Variants in ITGAL observed in about 807,000 individuals in gnomAD.
ITGAL encodes the protein integrin alpha-L.
ITGAL carries 68 observed loss-of-function variants against 138.4 expected under a neutral mutation model. The ratio of observed to expected loss-of-function variants is 0.49; its 90% CI spans 0.40 to 0.60. The LOEUF (loss-of-function observed/expected upper bound fraction) is 0.60, where lower values mean the gene tolerates loss of function less well. ITGAL is among the 20% of genes least tolerant of loss of function. The pLI is 0.00. For synonymous variants in ITGAL, 561 were observed against 584.3 expected (o/e 0.96, Z 0.57); for missense variants, 1,256 against 1,478.6 (o/e 0.85, Z 2.47).
Position 30,472,760 on chromosome 16 carries a change from C to A in ITGAL, c.-78C>A. The A allele has an allele frequency of 7.6e-7, 1 of 1,311,222 alleles. No homozygotes were observed. Among genetic ancestry groups the A allele is most frequent in the Non-Finnish European group, 1.1e-6 (1 of 916,722 alleles). 81.2% of individuals were successfully genotyped at this position (1,311,222 alleles called of 1,614,324 possible). On this transcript the variant is annotated 5_prime_UTR_variant, in exon 1 of 31. Coordinates refer to ENST00000356798, the MANE Select transcript of ITGAL (RefSeq NM_002209.3). ...GGGCATGATCATTTTCCTCTTTCAC[C>A]CTGTCTAGGTTGCCAGCAAATCCCA...
chr16:30,519,857 G>C lies in ITGAL; in HGVS notation c.3229G>C (p.Val1077Leu), dbSNP rs200147185. 92 of 1,609,914 alleles carry C rather than the reference G, an allele frequency of 5.7e-5. No homozygotes were observed. In the South Asian group the frequency reaches 9.5e-4, roughly 17 times the overall value. ...LYGSNASLAQ[V>L]VMKVDVVYEK... ...GGCACTCCCCTCCCCCTGCTCCCAGGTTGTCATGAAGGTTGACGTGGTGTA... is the reference window on the plus strand; with the variant it reads ...GGCACTCCCCTCCCCCTGCTCCCAGCTTGTCATGAAGGTTGACGTGGTGTA... The change falls in exon 30 of 31, where the codon GTT becomes CTT. Residue 1077 changes from valine (V) to leucine (L), a missense_variant and splice_region_variant. This residue lies in a region of ITGAL where 867 missense variants were observed against 972.5 expected (regional missense o/e 0.89). Transcript: ENST00000356798.
At chr16:30,477,973 G>A (rs150945787) in intron 4 of ITGAL, among the ~76,000 whole-genome samples, 385 of 150,774 alleles carry the variant, frequency 2.6e-3, no homozygotes, top group Non-Finnish European at 3.8e-3. Flanking sequence ...AAGGGGAGAG[G>A]AGGAGAGAGA....
intron 20 of ITGAL, 29 bp downstream of exon 20, chr16:30,505,491 C>G (rs1451198546): frequency 1.3e-6 from 2 of 1,560,330 alleles, no homozygotes; most frequent in Non-Finnish European, 1.8e-6. Context: ...CCTCCAGCCT[C>G]CCATCCACTC....
intron 25 of ITGAL, among the ~76,000 whole-genome samples, chr16:30,515,835 G>T (rs1597107863): frequency 6.6e-6 from 1 of 152,130 alleles, no homozygotes; most frequent in Non-Finnish European, 1.5e-5. Flanking sequence ...AGCTAGGTGT[G>T]GTGGTGTGTG....
intron 6 of ITGAL, chr16:30,481,203 G>A (rs1011789606): frequency 1.8e-5 from 8 of 433,974 alleles, no homozygotes; most frequent in Middle Eastern, 7.3e-4. Context: ...ACAAATATTC[G>A]GGTGTGGTGG....
Position 30,500,531 on chromosome 16 carries a change from T to C in ITGAL, c.2145+1042T>C, listed in dbSNP as rs182290636. Among the ~76,000 whole-genome samples, 1,337 of 152,076 alleles carry C rather than the reference T, an allele frequency of 8.8e-3. 20 individuals are homozygous for C. The highest frequency in any genetic ancestry group is 0.03 in the African/African-American group (1,264 of 41,500). On this transcript the variant is annotated intron_variant, in intron 17 of 30. Transcript: ENST00000356798. ...ACTGTGCCTGGCTGCTTCTAGGTTT[T>C]TAATTTTTTTAATTTTTTATTAAAA...
chr16:30,499,699 G>GTATATATATATATGTATATATATA (rs1567478313), intron 17 of ITGAL: 1 of 99,736 alleles, frequency 1.0e-5, no homozygotes, highest in African/African-American at 4.0e-5. Flanking sequence ...ATATATATGT[G>GTATATATATATATGTATATATATA]TATATATATA....
Position 30,496,175 on chromosome 16 carries a change from C to G in ITGAL, c.1582C>G (p.Leu528Val), listed in dbSNP as rs1176830183. The change falls in exon 14 of 31, where the codon CTG becomes GTG. Residue 528 changes from leucine to valine, a missense_variant. Physicochemically the swap from Leu to Val is conservative, Grantham distance 32. This residue lies in a region of ITGAL where 867 missense variants were observed against 972.5 expected (regional missense o/e 0.89). Transcript: ENST00000356798. ...LGRFGEAITA[L>V]TDINGDGLVD... is the part of the protein sequence containing the mutation. ...GCGGTTTGGAGAAGCCATCACTGCT[C>G]TGACAGACATCAACGGCGATGGGCT... 1 of 1,614,106 alleles carries G rather than the reference C, an allele frequency of 6.2e-7. No homozygotes were observed. Among genetic ancestry groups the G allele is most frequent in the Non-Finnish European group, 8.5e-7 (1 of 1,180,016 alleles).
chr16:30,499,299 C>A, intron 16 of ITGAL, 39 bp from the exon 17 acceptor site: 1 of 1,613,096 alleles, frequency 6.2e-7, no homozygotes, highest in Non-Finnish European at 8.5e-7. Context: ...GGCCTGGGAT[C>A]CCCCACCATT....
chr16:30,478,980 A>G lies in ITGAL; in HGVS notation c.328-111A>G. 5 of 787,856 alleles carry G rather than the reference A, an allele frequency of 6.3e-6. No individual in the cohort carries two copies. The South Asian group carries it at 7.8e-5, about 12-fold the overall frequency. 48.8% of individuals were successfully genotyped at this position (787,856 alleles called of 1,614,324 possible). On this transcript the variant is annotated intron_variant, in intron 4 of 30. Transcript: ENST00000356798. ...CTTGCCTTGGTAACCAGTTGGATAG[A>G]GGAAGTGAGAAAGAGGACAAGGACT...
At chr16:30,507,649 CAA>C (rs543416123) in intron 21 of ITGAL, among the ~76,000 whole-genome samples, 9 of 139,716 alleles carry the variant, frequency 6.4e-5, no homozygotes, top group African/African-American at 2.1e-4. Flanking sequence ...GACTCCATCT[CAA>C]AAAAAAAAAA....
chr16:30,486,389 G>C (rs2050646744), intron 9 of ITGAL, among the ~76,000 whole-genome samples: 1 of 132,826 alleles, frequency 7.5e-6, no homozygotes, highest in Non-Finnish European at 1.6e-5. Context: ...CAGCCTGGGT[G>C]ACAAGAGCAA....
At chr16:30,488,795 T>G in intron 9 of ITGAL, 1 of 418,808 alleles carries the variant, frequency 2.4e-6, no homozygotes, top group Non-Finnish European at 4.5e-6. Context: ...GAGGGTTGCT[T>G]GAGCTTGGGT....
chr16:30,481,183 C>CACACACCA (rs1555505200), intron 6 of ITGAL: 1 of 355,422 alleles, frequency 2.8e-6, no homozygotes, highest in African/African-American at 2.6e-5. Context: ...CACACACACA[C>CACACACCA]CACACACACA....
At chr16:30,480,498 G>A (rs2050537801) in intron 6 of ITGAL, 1 of 152,118 alleles carries the variant, frequency 6.6e-6, no homozygotes, top group South Asian at 2.1e-4. Flanking sequence ...ATCTAGTTAA[G>A]CAGCGTCACT....
rs751180213 is a variant in ITGAL, at chr16:30,474,251, G to A, written c.117G>A (p.Pro39=). Residue 39 remains proline, a synonymous_variant, in exon 2 of 31, where the codon CCG becomes CCA. Transcript: ENST00000356798. ...GGGGCGCGCGGAGCTTCTCCCCACCGCGCGCCGGGAGGCACTTTGGATACC... is the reference window on the plus strand; with the variant it reads ...GGGGCGCGCGGAGCTTCTCCCCACCACGCGCCGGGAGGCACTTTGGATACC... The part of the protein sequence containing the change: ...DVRGARSFSP[P]RAGRHFGYRV... The A allele has an allele frequency of 6.2e-7, 1 of 1,608,900 alleles. No individual in the cohort carries two copies. Among genetic ancestry groups the A allele is most frequent in the Admixed American group, 1.7e-5 (1 of 59,288 alleles).
chr16:30,474,249 C>A lies in ITGAL; in HGVS notation c.115C>A (p.Pro39Thr). ...DVRGARSFSP[P>T]RAGRHFGYRV... is the part of the protein sequence containing the mutation. ...GCGGGGCGCGCGGAGCTTCTCCCCA[C>A]CGCGCGCCGGGAGGCACTTTGGATA... The change falls in exon 2 of 31, where the codon CCG becomes ACG. Residue 39 changes from proline to threonine, a missense_variant. Coordinates refer to ENST00000356798, the MANE Select transcript of ITGAL (RefSeq NM_002209.3). 6.2e-7 allele frequency: 1 copy of A among 1,609,188 alleles called. No individual in the cohort carries two copies. The highest frequency in any genetic ancestry group is 1.1e-5 in the South Asian group (1 of 90,472).
chr16:30,511,204 T>A, intron 24 of ITGAL, 68 bp downstream of exon 24: 1 of 1,241,830 alleles, frequency 8.1e-7, no homozygotes. Flanking sequence ...GGGCCCCGAC[T>A]TTGCTCCTGG....
intron 9 of ITGAL, among the ~76,000 whole-genome samples, chr16:30,485,457 C>T (rs919152951): frequency 2.6e-5 from 4 of 152,068 alleles, no homozygotes; most frequent in African/African-American, 4.8e-5. Context: ...GATCTGACCT[C>T]GTGACCTGCC....
Sources: gnomAD v4.1 joint callset for allele counts (sites outside exome capture counted in the v4.1 genomes callset) on GRCh38, gnomAD v4.1.1 for gene constraint, gnomAD v4.1.1 regional missense constraint, MANE v1.5 for transcripts, NCBI Gene and HGNC (gene_info 2026-07-23, HGNC 2026-07-21) for gene names.